CSMD2: variants seen among roughly 807,000 people sequenced by gnomAD.
CSMD2 encodes the protein CUB and Sushi multiple domains 2.
CSMD2 carries 130 observed loss-of-function variants against 398.5 expected under a neutral mutation model. The observed-to-expected ratio is 0.33, with a 90% CI of 0.28 to 0.38. The LOEUF is 0.38. Ranked by LOEUF, CSMD2 falls within the 10% of genes least tolerant of loss-of-function variation. The pLI, the probability that CSMD2 is intolerant of heterozygous loss-of-function variation, is 1.00. For synonymous variants in CSMD2, 1,828 were observed against 1,908.5 expected, an observed-to-expected ratio of 0.96 and a Z score of 1.10; for missense variants, 3,829 against 4,764.9, an observed-to-expected ratio of 0.80 and a Z score of 5.78.
chr1:33,685,634 G>C (rs956590281), intron 25 of CSMD2, among the ~76,000 whole-genome samples: 1 of 152,186 alleles, frequency 6.6e-6, no homozygotes, highest in African/African-American at 2.4e-5. Context: ...GCCACGTCAA[G>C]TGAGTGCCCT....
chr1:34,128,122 C>G (rs1662936164), intron 1 of CSMD2, among the ~76,000 whole-genome samples: 1 of 128,364 alleles, frequency 7.8e-6, no homozygotes. Context: ...CACCCAAGAC[C>G]AGGGGTGTCC....
intron 2 of CSMD2, among the ~76,000 whole-genome samples, chr1:34,085,733 T>A (rs1657805218): frequency 6.6e-6 from 1 of 152,192 alleles, no homozygotes; most frequent in Non-Finnish European, 1.5e-5. Context: ...GCCTATTATT[T>A]AATAAAAATT....
At chr1:33,666,840 C>T (rs1035365867) in intron 25 of CSMD2, among the ~76,000 whole-genome samples, 8 of 152,030 alleles carry the variant, frequency 5.3e-5, no homozygotes, top group East Asian at 3.9e-4. Flanking sequence ...AAGAGGAGAC[C>T]GAGTGCCAGC....
chr1:34,006,166 T>C (rs144692025), intron 3 of CSMD2, among the ~76,000 whole-genome samples: 4 of 152,318 alleles, frequency 2.6e-5, no homozygotes, highest in African/African-American at 7.2e-5. Flanking sequence ...CACTCCATCC[T>C]GAATCCCAGC....
At chr1:34,068,329 TTTCTC>T (rs1655343625) in intron 2 of CSMD2, among the ~76,000 whole-genome samples, 1 of 152,220 alleles carries the variant, frequency 6.6e-6, no homozygotes, top group Admixed American at 6.5e-5. Flanking sequence ...TACTTAAACT[TTTCTC>T]TTTTCTTTTA....
intron 2 of CSMD2, among the ~76,000 whole-genome samples, chr1:34,087,125 G>A (rs761210476): frequency 6.6e-6 from 1 of 151,956 alleles, no homozygotes; most frequent in Non-Finnish European, 1.5e-5. Context: ...CGGTGGCCCT[G>A]TACCCTTTAC....
chr1:33,782,511 T>C (rs1014516118), intron 12 of CSMD2, among the ~76,000 whole-genome samples: 1 of 151,658 alleles, frequency 6.6e-6, no homozygotes, highest in Non-Finnish European at 1.5e-5. Flanking sequence ...ACACAGGGAG[T>C]CAAAGGAAGA....
intron 13 of CSMD2, among the ~76,000 whole-genome samples, chr1:33,768,828 A>C (rs1650891177): frequency 6.6e-6 from 1 of 152,186 alleles, no homozygotes; most frequent in Non-Finnish European, 1.5e-5. Context: ...TTTGTAACTT[A>C]AATCGTATAC....
At chr1:33,571,055 A>G (rs550462606) in intron 51 of CSMD2, among the ~76,000 whole-genome samples, 1 of 152,256 alleles carries the variant, frequency 6.6e-6, no homozygotes, top group Non-Finnish European at 1.5e-5. Context: ...ACAATTGACA[A>G]TGGAGAAGGC....
At chr1:34,098,523 A>G (rs925915222) in intron 1 of CSMD2, among the ~76,000 whole-genome samples, 1 of 152,068 alleles carries the variant, frequency 6.6e-6, no homozygotes, top group African/African-American at 2.4e-5. Flanking sequence ...CTCATTTCAC[A>G]AGATACTAAA....
At chr1:33,812,396 T>TC (rs914005889) in intron 9 of CSMD2, among the ~76,000 whole-genome samples, 12 of 152,356 alleles carry the variant, frequency 7.9e-5, no homozygotes, top group African/African-American at 2.6e-4. Flanking sequence ...GATCTCCTCC[T>TC]CCCTCATCCT....
At chr1:33,934,147 G>C (rs973532671) in intron 4 of CSMD2, among the ~76,000 whole-genome samples, 1 of 152,192 alleles carries the variant, frequency 6.6e-6, no homozygotes, top group Non-Finnish European at 1.5e-5. Context: ...AGTAATTACA[G>C]AAAATCTTCC....
At chr1:33,731,134 T>C (rs1454272290) in intron 15 of CSMD2, among the ~76,000 whole-genome samples, 1 of 152,202 alleles carries the variant, frequency 6.6e-6, no homozygotes, top group Non-Finnish European at 1.5e-5. Flanking sequence ...GTTTGGATTG[T>C]AATGATATTT....
At chr1:33,923,410 TA>T (rs900084945) in intron 4 of CSMD2, among the ~76,000 whole-genome samples, 1 of 152,118 alleles carries the variant, frequency 6.6e-6, no homozygotes, top group African/African-American at 2.4e-5. Flanking sequence ...CCGCCATGAG[TA>T]AAAGCTCCCT....
chr1:33,587,545 G>C (rs1458653958), intron 44 of CSMD2, among the ~76,000 whole-genome samples: 1 of 152,212 alleles, frequency 6.6e-6, no homozygotes, highest in South Asian at 2.1e-4. Context: ...GTGAGATTCA[G>C]AAAGGTGAAG....
chr1:34,083,384 A>G (rs2148346379), intron 2 of CSMD2, among the ~76,000 whole-genome samples: 1 of 152,242 alleles, frequency 6.6e-6, no homozygotes, highest in East Asian at 1.9e-4. Flanking sequence ...TATTTTGTTC[A>G]TTGTTGTAAA....
At position 33,557,617 on chromosome 1, in the gene CSMD2, GACACACACACACAC is replaced by G. The variant is rs10579079; in HGVS notation, c.8743+103_8743+116del. On this transcript the variant is annotated intron_variant, in intron 55 of 70. Coordinates refer to ENST00000373381, the MANE Select transcript of CSMD2 (RefSeq NM_001281956.2). ...CCATAAGGCAACTCATACATGTGCA[GACACACACACACAC>G]ACACACACACACACACACACACACA... 2.4e-3 allele frequency: 1,564 copies of G among 661,176 alleles called. 1 individual carries two copies. The highest frequency in any genetic ancestry group is 0.016 in the African/African-American group (841 of 54,180). 41.0% of individuals were successfully genotyped at this position (661,176 alleles called of 1,614,324 possible). A position where few individuals can be genotyped will look rare whatever the true frequency, so the allele number is the denominator to read the frequency against.
At chr1:33,708,878 C>A (rs1221879355) in intron 22 of CSMD2, among the ~76,000 whole-genome samples, 1 of 152,144 alleles carries the variant, frequency 6.6e-6, no homozygotes, top group Admixed American at 6.5e-5. Context: ...TGATAGCAGG[C>A]AGCTTCTAAA....
chr1:33,759,199 G>T lies in CSMD2; in HGVS notation c.1846+13370C>A, dbSNP rs376829548. ...GTCTTGTGAGGGACACTCCAACATG[G>T]TGAACTGTAAGTGGAAAGGCATTGA... On this transcript the variant is annotated intron_variant, in intron 13 of 70. Coordinates refer to ENST00000373381, the MANE Select transcript of CSMD2 (RefSeq NM_001281956.2). Among the ~76,000 whole-genome samples, 10 of 152,232 alleles carry T rather than the reference G, an allele frequency of 6.6e-5. No individual in the cohort carries two copies. The East Asian group carries it at 1.3e-3, about 21-fold the overall frequency.
Sources: allele counts gnomAD v4.1 joint callset (sites outside exome capture counted in the v4.1 genomes callset), GRCh38; gene constraint gnomAD v4.1.1; transcripts MANE v1.5; gene names NCBI Gene and HGNC (gene_info 2026-07-23, HGNC 2026-07-21).